The following MPHOSPH8 variants were observed in gnomAD, a reference collection of about 807,000 sequenced individuals.
The protein encoded by MPHOSPH8 is M-phase phosphoprotein 8, also known as M-phase phosphoprotein, mpp.
In MPHOSPH8, 45 loss-of-function variants were observed where a neutral mutation model predicts 87.3. The ratio of observed to expected loss-of-function variants is 0.52; its 90% CI spans 0.41 to 0.66. MPHOSPH8 has a LOEUF of 0.66. Ranked by LOEUF, MPHOSPH8 falls within the 30% of genes least tolerant of loss-of-function variation. The pLI is 0.00. For missense variants in MPHOSPH8, 883 were observed against 1,020.2 expected, an observed-to-expected ratio of 0.87 and a Z score of 1.83; for synonymous variants, 366 against 376.9, an observed-to-expected ratio of 0.97 and a Z score of 0.33.
chr13:19,649,485 A>G lies in MPHOSPH8; in HGVS notation c.1319-518A>G, dbSNP rs376053487. On this transcript the variant is annotated intron_variant, in intron 4 of 13. Coordinates refer to ENST00000361479, the MANE Select transcript of MPHOSPH8 (RefSeq NM_017520.4). ...TCTCTTCTTTTTGGGGTTATTTCTT[A>G]TGTCAGGTCTAGTACCTGCCAGTTT... is the stretch of plus-strand genomic sequence containing the variant. Among the ~76,000 whole-genome samples the G allele has an allele frequency of 6.0e-4, 91 of 152,186 alleles. 1 individual carries two copies. Among genetic ancestry groups the G allele is most frequent in the African/African-American group, 2.1e-3 (86 of 41,506 alleles).
In MPHOSPH8 at chr13:19,639,224, G is replaced by A. The variant is rs190427731; in HGVS notation, c.214-2891G>A. Among the ~76,000 whole-genome samples, 69 of 152,102 alleles carry A rather than the reference G, an allele frequency of 4.5e-4. 1 individual carries two copies. The highest frequency in any genetic ancestry group is 1.5e-3 in the African/African-American group (63 of 41,482). On this transcript the variant is annotated intron_variant, in intron 1 of 13. Coordinates refer to ENST00000361479, the MANE Select transcript of MPHOSPH8 (RefSeq NM_017520.4). ...TCACCCATCTGGAGGTCTGGTTGGC[G>A]CTGGTGGTAGCCTAGTTGCTTGCGA...
intron 9 of MPHOSPH8, 87 bp downstream of exon 9, chr13:19,663,213 G>T: frequency 3.3e-6 from 4 of 1,194,166 alleles, no homozygotes; most frequent in Non-Finnish European, 5.0e-6. Context: ...ACTGTGCTGG[G>T]GACTGAGAAC....
Position 19,659,210 on chromosome 13 carries a change from G to C in MPHOSPH8, c.1712G>C (p.Arg571Thr). 1 of 1,612,846 alleles carries C rather than the reference G, an allele frequency of 6.2e-7. No homozygotes were observed. Among genetic ancestry groups the C allele is most frequent in the East Asian group, 2.2e-5 (1 of 44,866 alleles). ...TTTTCTTTCATTTTAGATGTGTTAA[G>C]GGATGCTGTGAAAAATGGGGATTAT... ...ATDAIPSNVL[R>T]DAVKNGDYIT... Residue 571 changes from arginine to threonine, a missense_variant, in exon 7 of 14, where the codon AGG (arginine) becomes ACG (threonine). Physicochemically the swap from Arg to Thr is moderately conservative, Grantham distance 71 (BLOSUM62 -1). Coordinates refer to ENST00000361479, the MANE Select transcript of MPHOSPH8 (RefSeq NM_017520.4).
intron 2 of MPHOSPH8, among the ~76,000 whole-genome samples, chr13:19,643,200 T>G: frequency 6.6e-6 from 1 of 152,198 alleles, no homozygotes; most frequent in East Asian, 1.9e-4. Context: ...TTTTCTGCGC[T>G]TGATCTGTCT....
chr13:19,650,908 C>T (rs1466692896), intron 5 of MPHOSPH8, among the ~76,000 whole-genome samples: 1 of 152,088 alleles, frequency 6.6e-6, no homozygotes, highest in Non-Finnish European at 1.5e-5. Flanking sequence ...TCTTGGATAC[C>T]GAGGGAAAAT....
chr13:19,644,419 T>G (rs1348907543), intron 2 of MPHOSPH8, among the ~76,000 whole-genome samples: 1 of 152,246 alleles, frequency 6.6e-6, no homozygotes, highest in African/African-American at 2.4e-5. Context: ...CTGTACCTTG[T>G]TAGAACATTT....
intron 5 of MPHOSPH8, chr13:19,650,539 A>T (rs1874788484): frequency 3.4e-6 from 1 of 294,658 alleles, no homozygotes. Flanking sequence ...TGGCAGCCCC[A>T]TTTTATATCT....
At chr13:19,650,433 C>T (rs1874782435) in intron 5 of MPHOSPH8, 173 bp downstream of exon 5, 2 of 640,178 alleles carry the variant, frequency 3.1e-6, no homozygotes, top group Non-Finnish European at 4.9e-6. Flanking sequence ...TCTGTGACTT[C>T]TCAATGGATC....
intron 5 of MPHOSPH8, among the ~76,000 whole-genome samples, chr13:19,655,133 C>A (rs938116931): frequency 6.6e-6 from 1 of 151,754 alleles, no homozygotes; most frequent in African/African-American, 2.4e-5. Flanking sequence ...AAAGTAAAAA[C>A]AAATTATGAA....
rs1176738535 is a variant in MPHOSPH8 at position 19,663,134 on chromosome 13, C to A, written c.2019+8C>A. ...GAGACTGCACTGATGAAGGTAAATC[C>A]CTCCTGCAGGTCATCCCTTTCTTCA... On this transcript the variant is annotated splice_region_variant and intron_variant, in intron 9 of 13. Transcript: ENST00000361479. The A allele has an allele frequency of 6.2e-7, 1 of 1,608,388 alleles. No individual in the cohort carries two copies. The highest frequency in any genetic ancestry group is 1.3e-5 in the African/African-American group (1 of 74,898).
chr13:19,646,712 C>G lies in MPHOSPH8; in HGVS notation c.639C>G (p.Ser213=), dbSNP rs1166076071. 5 of 1,586,348 alleles carry G rather than the reference C, an allele frequency of 3.2e-6. No individual in the cohort carries two copies. Among genetic ancestry groups the G allele is most frequent in the South Asian group, 1.2e-5 (1 of 85,094 alleles). ...AAGCCAAAGAAGAACTAAAGGAGTC[C>G]AAAAAGCCCAAAAAAGATGAAGTAA... ...ISEAKEELKE[S]KKPKKDEVKE... is the part of the protein sequence containing the mutation. Residue 213 remains serine, a synonymous_variant, in exon 3 of 14, where the codon TCC becomes TCG. Coordinates refer to ENST00000361479, the MANE Select transcript of MPHOSPH8 (RefSeq NM_017520.4).
At chr13:19,652,393 CTG>C (rs1224410067) in intron 5 of MPHOSPH8, among the ~76,000 whole-genome samples, 10 of 152,178 alleles carry the variant, frequency 6.6e-5, no homozygotes, top group Admixed American at 5.2e-4. Flanking sequence ...ACGGTGCACT[CTG>C]GCCCAGATAC....
chr13:19,656,110 C>T (rs1444117460), intron 5 of MPHOSPH8, among the ~76,000 whole-genome samples: 1 of 151,276 alleles, frequency 6.6e-6, no homozygotes, highest in African/African-American at 2.4e-5. Context: ...TCAACAACAA[C>T]GTAATAAAAT....
chr13:19,643,653 G>T (rs1030195703), intron 2 of MPHOSPH8, among the ~76,000 whole-genome samples: 2 of 151,854 alleles, frequency 1.3e-5, no homozygotes, highest in Non-Finnish European at 2.9e-5. Context: ...ACAAATATGG[G>T]TATTTTTTTT....
At chr13:19,650,399 C>A in intron 5 of MPHOSPH8, 139 bp downstream of exon 5, 1 of 989,312 alleles carries the variant, frequency 1.0e-6, no homozygotes, top group Non-Finnish European at 1.4e-6. Flanking sequence ...GAATAAATAA[C>A]ATTTTATATT....
intron 11 of MPHOSPH8, among the ~76,000 whole-genome samples, chr13:19,668,794 C>T (rs959110879): frequency 5.4e-5 from 8 of 149,320 alleles, no homozygotes; most frequent in Middle Eastern, 3.2e-3. Context: ...TAAAATTCAG[C>T]GTCAAGATTC....
At chr13:19,642,469 C>T (rs1874349245) in intron 2 of MPHOSPH8, among the ~76,000 whole-genome samples, 199 bp downstream of exon 2, 1 of 152,098 alleles carries the variant, frequency 6.6e-6, no homozygotes, top group South Asian at 2.1e-4. Flanking sequence ...CCTACAGTTG[C>T]AGTTGACAAA....
chr13:19,635,228 A>G (rs1477804963), intron 1 of MPHOSPH8, among the ~76,000 whole-genome samples: 5 of 152,204 alleles, frequency 3.3e-5, no homozygotes, highest in Non-Finnish European at 2.9e-5. Flanking sequence ...TATTTGAAAA[A>G]TATTCGGCTA....
At chr13:19,664,085 G>T (rs1014557839) in intron 9 of MPHOSPH8, among the ~76,000 whole-genome samples, 2 of 152,074 alleles carry the variant, frequency 1.3e-5, no homozygotes, top group African/African-American at 4.8e-5. Context: ...CAGAGCTCAA[G>T]TGCCTCCCTC....
Sources: gnomAD v4.1 joint callset for allele counts (sites outside exome capture counted in the v4.1 genomes callset) on GRCh38, gnomAD v4.1.1 for gene constraint, MANE v1.5 for transcripts, NCBI Gene and HGNC (gene_info 2026-07-23, HGNC 2026-07-21) for gene names.